AXDND1: variants seen among roughly 807,000 people sequenced by gnomAD.
AXDND1 encodes the protein axonemal dynein light chain domain containing 1, also known as axonemal dynein light chain domain-containing protein 1.
AXDND1 carries 110 observed loss-of-function variants against 137.5 expected under a neutral mutation model. The observed-to-expected ratio is 0.80, with a 90% CI of 0.69 to 0.94. AXDND1 has a LOEUF of 0.94. Among genes scored for constraint, AXDND1 ranks in the 40% least tolerant of loss-of-function variants. The pLI is 0.00. For synonymous variants in AXDND1, 414 were observed against 399.7 expected, an observed-to-expected ratio of 1.04 and a Z score of -0.43; for missense variants, 1,191 against 1,169.8, an observed-to-expected ratio of 1.02 and a Z score of -0.26.
At chr1:179,491,368 A>G (rs569919060) in intron 18 of AXDND1, among the ~76,000 whole-genome samples, 170 bp from the exon 19 acceptor site, 1 of 152,308 alleles carries the variant, frequency 6.6e-6, no homozygotes, top group South Asian at 2.1e-4. Context: ...AGTGTCATGT[A>G]GTGAGCAAAA....
Position 179,539,689 on chromosome 1 carries a change from A to G in AXDND1, c.3031+4727A>G, listed in dbSNP as rs192874120. On this transcript the variant is annotated intron_variant, in intron 25 of 25. Coordinates refer to ENST00000367618, the MANE Select transcript of AXDND1 (RefSeq NM_144696.6). ...GTCTTGGGGTTGCTCTTCTCAAGGA[A>G]TATCTTTGTGGTGTTCTCTGTATTT... 1.6e-3 allele frequency among the ~76,000 whole-genome samples: 239 copies of G among 152,098 alleles called. 2 individuals carry two copies. Among genetic ancestry groups the G allele is most frequent in the African/African-American group, 5.5e-3 (227 of 41,510 alleles).
At chr1:179,528,140 C>T (rs760382396) in intron 22 of AXDND1, among the ~76,000 whole-genome samples, 187 bp from the exon 23 acceptor site, 70 of 152,322 alleles carry the variant, frequency 4.6e-4, no homozygotes, top group Non-Finnish European at 8.7e-4. Flanking sequence ...CTTGTCCACA[C>T]TCCCCATCCT....
intron 15 of AXDND1, among the ~76,000 whole-genome samples, chr1:179,434,942 C>T (rs958994058): frequency 6.6e-6 from 1 of 151,990 alleles, no homozygotes; most frequent in African/African-American, 2.4e-5. Context: ...TTTAGAAAAC[C>T]CCATCGTCTC....
chr1:179,416,069 A>G (rs1369838477), intron 12 of AXDND1, among the ~76,000 whole-genome samples: 1 of 152,076 alleles, frequency 6.6e-6, no homozygotes, highest in Non-Finnish European at 1.5e-5. Flanking sequence ...TGTACCCATT[A>G]ATCAACCTCT....
intron 17 of AXDND1, among the ~76,000 whole-genome samples, chr1:179,479,843 A>G (rs1665139953): frequency 6.6e-6 from 1 of 152,222 alleles, no homozygotes; most frequent in Non-Finnish European, 1.5e-5. Flanking sequence ...TCTCAAGCTC[A>G]TAGTTCCACA....
At chr1:179,483,077 T>C (rs1441680071) in intron 17 of AXDND1, 51 bp from the exon 18 acceptor site, 6 of 1,256,450 alleles carry the variant, frequency 4.8e-6, no homozygotes, top group Non-Finnish European at 6.8e-6. Context: ...ATAGTTACAT[T>C]TATCCTTTAA....
At chr1:179,466,593 T>G (rs1663233465) in intron 16 of AXDND1, among the ~76,000 whole-genome samples, 1 of 152,186 alleles carries the variant, frequency 6.6e-6, no homozygotes, top group African/African-American at 2.4e-5. Flanking sequence ...TTTTCCATCT[T>G]GTCATTTTAT....
At chr1:179,430,353 C>T (rs981127920) in intron 13 of AXDND1, 99 bp from the exon 14 acceptor site, 1 of 889,166 alleles carries the variant, frequency 1.1e-6, no homozygotes, top group South Asian at 2.5e-5. Context: ...CTATGAATTT[C>T]TCTAGTATTA....
intron 12 of AXDND1, among the ~76,000 whole-genome samples, chr1:179,420,254 G>A (rs534256682): frequency 9.9e-5 from 15 of 152,176 alleles, no homozygotes; most frequent in Non-Finnish European, 1.9e-4. Context: ...TTATTGATGT[G>A]CACATGTTGA....
In AXDND1 at chr1:179,383,555, A is replaced by C; in HGVS notation, c.741+11A>C. ...ACAGGACCAACGAAGGTAATTGCAA[A>C]GCCGAATGCAACCTGGTGGCTAAGA... On this transcript the variant is annotated intron_variant, in intron 8 of 25. Transcript: ENST00000367618. 1 of 1,598,388 alleles carries C rather than the reference A, an allele frequency of 6.3e-7. No homozygotes were observed. The highest frequency in any genetic ancestry group is 8.6e-7 in the Non-Finnish European group (1 of 1,166,070).
intron 21 of AXDND1, among the ~76,000 whole-genome samples, chr1:179,514,564 A>G (rs917855131): frequency 2.0e-5 from 3 of 152,032 alleles, no homozygotes; most frequent in African/African-American, 7.2e-5. Context: ...AATGTTTTGT[A>G]TATATCTGCT....
intron 25 of AXDND1, chr1:179,545,099 A>G (rs917563643): frequency 1.3e-5 from 2 of 152,276 alleles, no homozygotes; most frequent in Admixed American, 6.5e-5. Context: ...ACTAACCTGC[A>G]AAAATCAGTT....
chr1:179,551,452 C>T lies in AXDND1; in HGVS notation c.3032-3060C>T, dbSNP rs776016942. On this transcript the variant is annotated intron_variant, in intron 25 of 25. Coordinates refer to ENST00000367618, the MANE Select transcript of AXDND1 (RefSeq NM_144696.6). ...CCTTTTCCGCTTCTGCAGCAATCAT[C>T]TAGAAAACATGTGACGAAAGCAAAG... is the stretch of plus-strand genomic sequence containing the variant. The T allele has an allele frequency of 6.8e-6, 11 of 1,613,028 alleles. No individual in the cohort carries two copies. The South Asian group carries it at 1.1e-4, about 16-fold the overall frequency.
intron 20 of AXDND1, chr1:179,506,710 A>T (rs1668571729): frequency 4.0e-6 from 1 of 249,234 alleles, no homozygotes; most frequent in Non-Finnish European, 6.4e-6. Context: ...AGCCTGGGCG[A>T]CAGAGTAAGA....
At chr1:179,514,657 G>A (rs1669355868) in intron 21 of AXDND1, among the ~76,000 whole-genome samples, 1 of 152,148 alleles carries the variant, frequency 6.6e-6, no homozygotes, top group East Asian at 1.9e-4. Context: ...AGTGCTGTCA[G>A]TGGAGTATTG....
intron 12 of AXDND1, 21 bp from the exon 13 acceptor site, chr1:179,429,497 T>G: frequency 7.7e-7 from 1 of 1,302,548 alleles, no homozygotes; most frequent in Non-Finnish European, 1.0e-6. Flanking sequence ...GGTTCCTGAT[T>G]ATAGTACATT....
At chr1:179,408,413 T>C (rs1159958497) in intron 11 of AXDND1, among the ~76,000 whole-genome samples, 1 of 151,996 alleles carries the variant, frequency 6.6e-6, no homozygotes, top group African/African-American at 2.4e-5. Flanking sequence ...AATCTCACTC[T>C]GTTGCCAGGC....
At chr1:179,370,189 A>G (rs976539126) in intron 4 of AXDND1, 111 bp downstream of exon 4, 17 of 828,890 alleles carry the variant, frequency 2.1e-5, no homozygotes, top group Non-Finnish European at 3.1e-5. Context: ...CATAGATGAT[A>G]AAATTTACAG....
At chr1:179,384,915 C>G (rs989451456) in intron 8 of AXDND1, among the ~76,000 whole-genome samples, 3 of 152,020 alleles carry the variant, frequency 2.0e-5, no homozygotes, top group Non-Finnish European at 2.9e-5. Context: ...AGGCGTGTGC[C>G]ACCATGGCTG....
Sources: gnomAD v4.1 joint callset for allele counts (sites outside exome capture counted in the v4.1 genomes callset) on GRCh38, gnomAD v4.1.1 for gene constraint, MANE v1.5 for transcripts, NCBI Gene and HGNC (gene_info 2026-07-23, HGNC 2026-07-21) for gene names.